Variants in AK5 observed in about 807,000 individuals in gnomAD.
AK5 encodes adenylate kinase isoenzyme 5.
A neutral mutation model predicts 69.5 loss-of-function variants in AK5; 27 were observed. That is an observed-to-expected ratio of 0.39 (90% CI 0.29 to 0.54). The LOEUF (loss-of-function observed/expected upper bound fraction) is 0.54. AK5 is among the 20% of genes least tolerant of loss of function. The pLI is 0.71. For synonymous variants in AK5, 260 were observed against 244.4 expected, an observed-to-expected ratio of 1.06 and a Z score of -0.60; for missense variants, 531 against 700.4, an observed-to-expected ratio of 0.76 and a Z score of 2.73.
chr1:77,319,844 A>C (rs1270411733), intron 5 of AK5, among the ~76,000 whole-genome samples: 2 of 152,352 alleles, frequency 1.3e-5, no homozygotes, highest in East Asian at 1.9e-4. Flanking sequence ...AGCACATTGC[A>C]TTCTGTGAAG....
intron 12 of AK5, among the ~76,000 whole-genome samples, chr1:77,535,602 T>A (rs3738079): frequency 1.3e-5 from 2 of 151,900 alleles, no homozygotes; most frequent in Admixed American, 6.6e-5. Context: ...TGGCATATAC[T>A]CGTCTGCATC....
At chr1:77,504,784 A>T (rs951476957) in intron 10 of AK5, among the ~76,000 whole-genome samples, 12 of 152,322 alleles carry the variant, frequency 7.9e-5, no homozygotes, top group African/African-American at 2.9e-4. Flanking sequence ...ACTTCCATAG[A>T]TGGAATCACA....
rs538930842 is a variant in AK5, at chr1:77,522,422, G to C, written c.1428+479G>C. Among the ~76,000 whole-genome samples the C allele has an allele frequency of 2.0e-5, 3 of 152,280 alleles. No homozygotes were observed. The East Asian group carries it at 5.8e-4, about 29-fold the overall frequency. On this transcript the variant is annotated intron_variant, in intron 12 of 13. Transcript: ENST00000354567. ...GGAATACGCTGGCTGGCCCAGCCTG[G>C]AGGACCAAGGAAGGATGGGAAGGGA...
intron 6 of AK5, among the ~76,000 whole-genome samples, chr1:77,344,809 C>T (rs528471274): frequency 6.6e-6 from 1 of 151,652 alleles, no homozygotes; most frequent in Non-Finnish European, 1.5e-5. Context: ...TTTTAGTGTG[C>T]CCATCACCTG....
intron 8 of AK5, among the ~76,000 whole-genome samples, chr1:77,425,963 G>C (rs1437820880): frequency 6.6e-6 from 1 of 152,180 alleles, no homozygotes; most frequent in Non-Finnish European, 1.5e-5. Flanking sequence ...AATTTAAAAA[G>C]TGAGAAAAGA....
At chr1:77,317,046 T>G (rs1309195818) in intron 5 of AK5, among the ~76,000 whole-genome samples, 1 of 152,230 alleles carries the variant, frequency 6.6e-6, no homozygotes, top group Non-Finnish European at 1.5e-5. Flanking sequence ...AATCAAGAAC[T>G]GCTCAGCTGA....
Position 77,411,070 on chromosome 1 carries a change from A to G in AK5, c.981A>G (p.Ala327=). ...NKLFPNKEAA[A]GSSDLDPSMI... ...TATTTCCAAACAAAGAGGCTGCAGCAGGTAAGTCACTGTGTCCTTTAGACA... is the reference window on the plus strand; with the variant it reads ...TATTTCCAAACAAAGAGGCTGCAGCGGGTAAGTCACTGTGTCCTTTAGACA... Residue 327 remains alanine, a splice_region_variant and synonymous_variant, in exon 7 of 14, where the codon GCA becomes GCG. Coordinates refer to ENST00000354567, the MANE Select transcript of AK5 (RefSeq NM_174858.3). 1 of 1,612,896 alleles carries G rather than the reference A, an allele frequency of 6.2e-7. No homozygotes were observed. Among genetic ancestry groups the G allele is most frequent in the Non-Finnish European group, 8.5e-7 (1 of 1,179,540 alleles).
chr1:77,416,419 C>A (rs147907627), intron 7 of AK5, among the ~76,000 whole-genome samples: 1 of 152,244 alleles, frequency 6.6e-6, no homozygotes, highest in African/African-American at 2.4e-5. Flanking sequence ...TTCATGGCAA[C>A]GCTATGATTA....
chr1:77,339,093 T>A (rs1338739629), intron 5 of AK5, among the ~76,000 whole-genome samples: 1 of 152,182 alleles, frequency 6.6e-6, no homozygotes, highest in African/African-American at 2.4e-5. Flanking sequence ...TAGAATCCCA[T>A]CCTTTAAAAA....
At chr1:77,428,253 A>C (rs1049350141) in intron 8 of AK5, among the ~76,000 whole-genome samples, 1 of 152,232 alleles carries the variant, frequency 6.6e-6, no homozygotes, top group African/African-American at 2.4e-5. Flanking sequence ...ATGACACCAG[A>C]TTGACAAAGG....
chr1:77,357,249 T>C (rs1453976), intron 6 of AK5, among the ~76,000 whole-genome samples: 2 of 151,340 alleles, frequency 1.3e-5, no homozygotes, highest in Admixed American at 1.3e-4. Flanking sequence ...GGTATGGTGA[T>C]CCAAGGGCTG....
intron 12 of AK5, among the ~76,000 whole-genome samples, chr1:77,522,571 A>G (rs1570305707): frequency 6.6e-6 from 1 of 152,002 alleles, no homozygotes; most frequent in Admixed American, 6.6e-5. Flanking sequence ...AGAACTACAC[A>G]CCACCCTCCC....
intron 10 of AK5, among the ~76,000 whole-genome samples, chr1:77,518,087 C>G (rs1657768637): frequency 1.3e-5 from 2 of 152,198 alleles, no homozygotes; most frequent in African/African-American, 4.8e-5. Context: ...AATAAAAACA[C>G]TTATTTTTTT....
intron 6 of AK5, among the ~76,000 whole-genome samples, chr1:77,360,001 A>G (rs1309218260): frequency 1.3e-5 from 2 of 152,194 alleles, no homozygotes; most frequent in Non-Finnish European, 2.9e-5. Context: ...ACCAATACTC[A>G]GAAGAAGATG....
At position 77,299,072 on chromosome 1, in the gene AK5, A is replaced by C. The variant is rs549190343; in HGVS notation, c.699+1125A>C. ...ATATACAAATGCATTCTAAATTTTT[A>C]TAATGACTTTTCCAAGTTATATCAA... On this transcript the variant is annotated intron_variant, in intron 5 of 13. Transcript: ENST00000354567. Among the ~76,000 whole-genome samples the C allele has an allele frequency of 7.2e-5, 11 of 152,320 alleles. No individual in the cohort carries two copies. The South Asian group carries it at 1.7e-3, about 23-fold the overall frequency.
At chr1:77,324,789 G>C (rs1174591012) in intron 5 of AK5, among the ~76,000 whole-genome samples, 1 of 152,030 alleles carries the variant, frequency 6.6e-6, no homozygotes. Context: ...AACAGAGACT[G>C]TTCCTGATTG....
chr1:77,495,845 A>AG (rs80329265), intron 10 of AK5, among the ~76,000 whole-genome samples: 23,630 of 152,006 alleles, frequency 0.16, 2,148 homozygotes, highest in South Asian at 0.36. Context: ...ATAGACTTAA[A>AG]GGGGGGTGCT....
At chr1:77,355,878 C>G (rs902499443) in intron 6 of AK5, among the ~76,000 whole-genome samples, 3 of 138,100 alleles carry the variant, frequency 2.2e-5, no homozygotes, top group African/African-American at 7.6e-5. Context: ...TACACACACA[C>G]ACACACACAC....
chr1:77,454,694 G>T (rs1017992522), intron 8 of AK5, among the ~76,000 whole-genome samples: 2 of 152,108 alleles, frequency 1.3e-5, no homozygotes, highest in East Asian at 3.8e-4. Context: ...ACTTATACCC[G>T]CAGCTCTTCA....
Sources: allele counts gnomAD v4.1 joint callset (sites outside exome capture counted in the v4.1 genomes callset), GRCh38; gene constraint gnomAD v4.1.1; transcripts MANE v1.5; gene names NCBI Gene and HGNC (gene_info 2026-07-23, HGNC 2026-07-21).